NAV2: variants seen among roughly 807,000 people sequenced by gnomAD.
NAV2 encodes the protein neuron navigator 2, also known as helicase, APC down-regulated 1.
In NAV2, 54 loss-of-function variants were observed where a neutral mutation model predicts 223.2. The observed-to-expected ratio is 0.24, with a 90% CI of 0.19 to 0.30. The LOEUF (loss-of-function observed/expected upper bound fraction) is 0.30, where lower values mean the gene tolerates loss of function less well. Ranked by LOEUF, NAV2 falls within the 10% of genes least tolerant of loss-of-function variation. NAV2 has a pLI of 1.00. For missense variants in NAV2, 2,806 were observed against 3,147.5 expected (o/e 0.89, Z 2.60); for synonymous variants, 1,279 against 1,239.3 (o/e 1.03, Z -0.67).
chr11:19,879,891 G>T lies in NAV2; in HGVS notation c.534G>T (p.Lys178Asn). Residue 178 changes from lysine (K) to asparagine (N), a missense_variant, in exon 5 of 38, where the codon AAG becomes AAT. Lys to Asn is a moderately conservative substitution (Grantham distance 94, BLOSUM62 0). Coordinates refer to ENST00000349880, the MANE Select transcript of NAV2 (RefSeq NM_145117.5). Reference sequence around the variant, plus strand: ...CAGAGATCAGGAATGGAAACCTCAAGGCCATTCTAGGCCTCTTCTTCAGCC... The same window carrying T: ...CAGAGATCAGGAATGGAAACCTCAATGCCATTCTAGGCCTCTTCTTCAGCC... ...SAEEIRNGNL[K>N]AILGLFFSLS... 4 of 1,613,920 alleles carry T rather than the reference G, an allele frequency of 2.5e-6. No individual in the cohort carries two copies. Among genetic ancestry groups the T allele is most frequent in the Non-Finnish European group, 3.4e-6 (4 of 1,180,036 alleles).
chr11:19,431,453 A>T (rs932720632), intron 1 of NAV2, among the ~76,000 whole-genome samples: 1 of 152,074 alleles, frequency 6.6e-6, no homozygotes, highest in South Asian at 2.1e-4. Flanking sequence ...CCACAAAAAG[A>T]CCCTGCCTCC....
chr11:20,074,841 C>T lies in NAV2; in HGVS notation c.4984-2711C>T, dbSNP rs188365740. Among the ~76,000 whole-genome samples, 25 of 143,520 alleles carry T rather than the reference C, an allele frequency of 1.7e-4. No individual in the cohort carries two copies. In the East Asian group the frequency reaches 2.3e-3, roughly 13 times the overall value. The allele number at this position is 143,520 out of a possible 152,430, so 94.2% of individuals were successfully genotyped here. A position where few individuals can be genotyped will look rare whatever the true frequency, so the allele number is the denominator to read the frequency against. ...TTTTGAGCCTATGTCTGTCTTTGCA[C>T]GTGAGATGGGTCTCCTGAATACAGC... is the stretch of plus-strand genomic sequence containing the variant. On this transcript the variant is annotated intron_variant, in intron 22 of 37. Transcript: ENST00000349880.
chr11:19,695,473 T>C (rs1349832200), intron 1 of NAV2, among the ~76,000 whole-genome samples: 10 of 152,260 alleles, frequency 6.6e-5, no homozygotes, highest in Admixed American at 3.3e-4. Context: ...CTATCCTGAC[T>C]TCAGGTCATT....
intron 1 of NAV2, among the ~76,000 whole-genome samples, chr11:19,735,490 T>C (rs1255079992): frequency 1.3e-5 from 2 of 152,228 alleles, no homozygotes; most frequent in African/African-American, 4.8e-5. Flanking sequence ...CTGGATTCAT[T>C]AATCCTCCCA....
At chr11:19,625,002 T>C (rs1277276890) in intron 1 of NAV2, among the ~76,000 whole-genome samples, 1 of 152,242 alleles carries the variant, frequency 6.6e-6, no homozygotes, top group Non-Finnish European at 1.5e-5. Flanking sequence ...ATATAATGTA[T>C]AGTGATCACA....
At position 20,054,226 on chromosome 11, in the gene NAV2, A is replaced by G. The variant is rs761128164; in HGVS notation, c.4628A>G (p.Asn1543Ser). ...SVTSPSGTRF[N>S]FSQLASPTTV... The stretch of plus-strand genomic sequence containing the variant: ...ACTTCTCCCTCCGGAACAAGATTCA[A>G]CTTTTCCCAGCTTGGTGAGTAGCCA... The change falls in exon 18 of 38, where the codon AAC becomes AGC. Residue 1543 changes from asparagine (N) to serine (S), a missense_variant. Physicochemically the swap from Asn to Ser is conservative, Grantham distance 46. Transcript: ENST00000349880. 3 of 1,610,386 alleles carry G rather than the reference A, an allele frequency of 1.9e-6. No individual in the cohort carries two copies. The highest frequency in any genetic ancestry group is 3.4e-5 in the Admixed American group (2 of 58,660).
intron 1 of NAV2, among the ~76,000 whole-genome samples, chr11:19,625,934 C>T (rs775655705): frequency 2.6e-5 from 4 of 151,896 alleles, no homozygotes; most frequent in Non-Finnish European, 4.4e-5. Context: ...GGATATTGAC[C>T]CCTTGTCAGA....
At chr11:19,392,841 C>G (rs11025114) in intron 1 of NAV2, among the ~76,000 whole-genome samples, 4 of 152,162 alleles carry the variant, frequency 2.6e-5, no homozygotes, top group African/African-American at 9.7e-5. Context: ...GCTGGGCACA[C>G]AGTTACAAGA....
chr11:19,958,405 G>A (rs2048064433), intron 10 of NAV2, among the ~76,000 whole-genome samples: 2 of 152,148 alleles, frequency 1.3e-5, no homozygotes, highest in Non-Finnish European at 2.9e-5. Flanking sequence ...GTGTAGGTCA[G>A]CATAAGAGTG....
chr11:19,878,601 G>A (rs1435905947), intron 4 of NAV2, among the ~76,000 whole-genome samples: 1 of 152,176 alleles, frequency 6.6e-6, no homozygotes, highest in Non-Finnish European at 1.5e-5. Flanking sequence ...AAAGTAGGGT[G>A]TGAAGGCTGG....
At chr11:19,406,924 C>T (rs781678619) in intron 1 of NAV2, among the ~76,000 whole-genome samples, 2 of 152,238 alleles carry the variant, frequency 1.3e-5, no homozygotes, top group Non-Finnish European at 2.9e-5. Flanking sequence ...CCCACTTCTA[C>T]TCCCCTATTT....
intron 2 of NAV2, among the ~76,000 whole-genome samples, chr11:19,836,977 C>A (rs1462494575): frequency 1.3e-5 from 2 of 152,126 alleles, no homozygotes; most frequent in African/African-American, 4.8e-5. Context: ...ACCCTCATGA[C>A]CTAATTATCT....
chr11:20,061,984 C>A (rs769925891), intron 19 of NAV2, among the ~76,000 whole-genome samples: 1 of 152,200 alleles, frequency 6.6e-6, no homozygotes, highest in Non-Finnish European at 1.5e-5. Context: ...TGAGTCAGTG[C>A]AGGTTGTGAC....
chr11:19,869,115 G>A, intron 4 of NAV2, 118 bp downstream of exon 4: 1 of 1,005,554 alleles, frequency 9.9e-7, no homozygotes, highest in African/African-American at 1.6e-5. Context: ...CTCTGGTTTT[G>A]TTTTCCTTTA....
chr11:19,591,819 C>T (rs16937038), intron 1 of NAV2, among the ~76,000 whole-genome samples: 1,807 of 152,272 alleles, frequency 0.012, 45 homozygotes, highest in African/African-American at 0.041. Flanking sequence ...TTCCTGGGAC[C>T]CCAAGACCCA....
chr11:19,759,092 T>TAGACA (rs1377502262), intron 1 of NAV2, among the ~76,000 whole-genome samples: 1 of 838 alleles, frequency 1.2e-3, no homozygotes, highest in African/African-American at 3.8e-3. Context: ...GAAAGACACT[T>TAGACA]TTTTTTTTTT....
In NAV2 at chr11:19,601,396, C is replaced by T. The variant is rs527774082; in HGVS notation, c.76-231088C>T. ...CCTCCGCAGTGGCCCTCCGGCCTCC[C>T]CTCCTGGACTCAGAGCAGCCCTCTA... On this transcript the variant is annotated intron_variant, in intron 1 of 37. Coordinates refer to the NAV2 transcript ENST00000360655. 3.0e-4 allele frequency among the ~76,000 whole-genome samples: 45 copies of T among 152,292 alleles called. 1 individual carries two copies. The South Asian group carries it at 9.3e-3, about 32-fold the overall frequency.
At chr11:19,391,258 C>G (rs1233431965) in intron 1 of NAV2, among the ~76,000 whole-genome samples, 1 of 152,136 alleles carries the variant, frequency 6.6e-6, no homozygotes, top group Non-Finnish European at 1.5e-5. Context: ...TCTGGCCTGT[C>G]CCCCTGCTTC....
At chr11:19,642,362 C>A (rs2047689453) in intron 1 of NAV2, among the ~76,000 whole-genome samples, 2 of 152,214 alleles carry the variant, frequency 1.3e-5, no homozygotes, top group Admixed American at 1.3e-4. Flanking sequence ...ATCTTCCTCC[C>A]TGGAGAGCTT....
Sources: allele counts gnomAD v4.1 joint callset (sites outside exome capture counted in the v4.1 genomes callset), GRCh38; gene constraint gnomAD v4.1.1; transcripts MANE v1.5; gene names NCBI Gene and HGNC (gene_info 2026-07-23, HGNC 2026-07-21).